PRKCA: variants seen among roughly 807,000 people sequenced by gnomAD.
PRKCA encodes protein kinase C alpha.
Under a neutral mutation model 87.0 loss-of-function variants are expected in PRKCA, and 27 were observed. That is an observed-to-expected ratio of 0.31 (90% CI 0.23 to 0.43). PRKCA has a LOEUF of 0.43. PRKCA is among the 20% of genes least tolerant of loss of function. The pLI is 1.00. For missense variants in PRKCA, 518 were observed against 852.3 expected (o/e 0.61, Z 4.88); for synonymous variants, 329 against 311.1 (o/e 1.06, Z -0.61).
At chr17:66,336,771 T>TGTGC (rs1906712053) in intron 2 of PRKCA, among the ~76,000 whole-genome samples, 1 of 116,972 alleles carries the variant, frequency 8.5e-6, no homozygotes, top group African/African-American at 3.5e-5. Context: ...TGTGTGTGTG[T>TGTGC]GTGTGTGTGT....
chr17:66,458,593 G>C (rs1459679355), intron 2 of PRKCA, among the ~76,000 whole-genome samples: 3 of 151,912 alleles, frequency 2.0e-5, no homozygotes, highest in Admixed American at 6.5e-5. Context: ...CAATCCTCTT[G>C]CTTCAGCCTC....
chr17:66,760,022 A>G (rs1235144329), intron 13 of PRKCA, among the ~76,000 whole-genome samples: 1 of 152,234 alleles, frequency 6.6e-6, no homozygotes, highest in Non-Finnish European at 1.5e-5. Flanking sequence ...CATATCCCGC[A>G]AGGAGAGAAT....
In PRKCA at chr17:66,471,012, T is replaced by C. The variant is rs567330122; in HGVS notation, c.206-25189T>C. Among the ~76,000 whole-genome samples, 5 of 150,206 alleles carry C rather than the reference T, an allele frequency of 3.3e-5. No homozygotes were observed. In the South Asian group the frequency reaches 8.3e-4, roughly 25 times the overall value. ...GTATTTGGGAACTTTTTTTTTTTTT[T>C]AGTTTAGTTTTTTTTTTAATTGTAC... On this transcript the variant is annotated intron_variant, in intron 2 of 16. Coordinates refer to ENST00000413366, the MANE Select transcript of PRKCA (RefSeq NM_002737.3).
At chr17:66,748,224 G>A (rs1243161427) in intron 13 of PRKCA, among the ~76,000 whole-genome samples, 2 of 152,228 alleles carry the variant, frequency 1.3e-5, no homozygotes, top group Non-Finnish European at 2.9e-5. Context: ...CACAGCTTCT[G>A]CGTTCCCGCC....
intron 14 of PRKCA, among the ~76,000 whole-genome samples, chr17:66,778,691 A>G (rs1299485209): frequency 6.6e-6 from 1 of 151,952 alleles, no homozygotes; most frequent in Non-Finnish European, 1.5e-5. Flanking sequence ...AGATGCAAAA[A>G]TGAGCTGGGC....
chr17:66,513,156 T>C (rs1431447327), intron 3 of PRKCA, among the ~76,000 whole-genome samples: 2 of 152,204 alleles, frequency 1.3e-5, no homozygotes, highest in Non-Finnish European at 2.9e-5. Flanking sequence ...AAATGGTGCC[T>C]GATGTGTGGT....
chr17:66,708,147 G>A (rs1378084096), intron 8 of PRKCA, among the ~76,000 whole-genome samples: 2 of 152,202 alleles, frequency 1.3e-5, no homozygotes, highest in African/African-American at 4.8e-5. Context: ...TCATCAGGCC[G>A]ACCAAGTGGG....
intron 2 of PRKCA, among the ~76,000 whole-genome samples, chr17:66,465,774 C>T (rs372949292): frequency 6.6e-6 from 1 of 152,122 alleles, no homozygotes; most frequent in Non-Finnish European, 1.5e-5. Context: ...AGCTTTAATT[C>T]GAAGAGACAA....
intron 3 of PRKCA, among the ~76,000 whole-genome samples, chr17:66,589,993 C>T (rs998271838): frequency 7.9e-5 from 12 of 152,110 alleles, no homozygotes; most frequent in African/African-American, 2.4e-4. Context: ...GGTGATCTGA[C>T]GGTAGGCAGA....
chr17:66,363,625 C>A (rs1908524433), intron 2 of PRKCA, among the ~76,000 whole-genome samples: 1 of 152,260 alleles, frequency 6.6e-6, no homozygotes, highest in African/African-American at 2.4e-5. Flanking sequence ...AATTAAGGGG[C>A]ATCTTCCATG....
chr17:66,554,154 G>A (rs544065791), intron 3 of PRKCA, among the ~76,000 whole-genome samples: 18 of 151,780 alleles, frequency 1.2e-4, no homozygotes, highest in Admixed American at 6.6e-4. Context: ...GGTGGCTCAC[G>A]CCTGTCATCC....
chr17:66,322,283 T>C (rs1274242065), intron 2 of PRKCA, among the ~76,000 whole-genome samples: 1 of 152,178 alleles, frequency 6.6e-6, no homozygotes, highest in Non-Finnish European at 1.5e-5. Context: ...TTTTGTGTGA[T>C]CATGGAGTGT....
chr17:66,539,435 G>A (rs1421031060), intron 3 of PRKCA, among the ~76,000 whole-genome samples: 1 of 143,728 alleles, frequency 7.0e-6, no homozygotes, highest in East Asian at 2.0e-4. Context: ...ATGGAGTCTT[G>A]CTCTGTCCTC....
intron 2 of PRKCA, among the ~76,000 whole-genome samples, chr17:66,324,339 C>T (rs542072475): frequency 2.2e-4 from 34 of 151,808 alleles, no homozygotes; most frequent in East Asian, 9.7e-4. Flanking sequence ...CAGTGGCTCA[C>T]GCCTGTAATC....
At chr17:66,406,240 G>A (rs763079936) in intron 2 of PRKCA, among the ~76,000 whole-genome samples, 26 of 152,264 alleles carry the variant, frequency 1.7e-4, no homozygotes, top group Non-Finnish European at 3.1e-4. Context: ...ATTAAAGAAC[G>A]GGGTGGGGGA....
intron 16 of PRKCA, chr17:66,796,709 A>C (rs1975678454): frequency 1.0e-6 from 1 of 985,354 alleles, no homozygotes; most frequent in East Asian, 1.1e-4. Flanking sequence ...AGTGAAATGC[A>C]CCAGCCCATT....
At position 66,565,146 on chromosome 17, in the gene PRKCA, C is replaced by T. The variant is rs564938896; in HGVS notation, c.288+68863C>T. 2.0e-5 allele frequency among the ~76,000 whole-genome samples: 3 copies of T among 152,248 alleles called. No homozygotes were observed. In the South Asian group the frequency reaches 6.2e-4, roughly 32 times the overall value. ...ACCCGTTAAGCCTTGGTTTCCTAACCGTAAAATGGGACTAAGTAATTCCTC... is the reference window on the plus strand; with the variant it reads ...ACCCGTTAAGCCTTGGTTTCCTAACTGTAAAATGGGACTAAGTAATTCCTC... On this transcript the variant is annotated intron_variant, in intron 3 of 16. Coordinates refer to ENST00000413366, the MANE Select transcript of PRKCA (RefSeq NM_002737.3).
chr17:66,742,714 T>C lies in PRKCA; in HGVS notation c.1478T>C (p.Val493Ala). Reference protein sequence around the residue: ...GMCKEHMMDGVTTRTFCGTPD... With the variant: ...GMCKEHMMDGATTRTFCGTPD... ...TGCAAGGAACACATGATGGATGGAG[T>C]CACGACCAGGACCTTCTGTGGGACT... The change falls in exon 13 of 17, where the codon GTC (valine) becomes GCC (alanine). Residue 493 changes from valine (V) to alanine (A), a missense_variant. This residue lies in a region of PRKCA where 159 missense variants were observed against 232.4 expected (regional missense o/e 0.68). Transcript: ENST00000413366. The C allele has an allele frequency of 6.2e-7, 1 of 1,614,082 alleles. No individual in the cohort carries two copies. The highest frequency in any genetic ancestry group is 1.1e-5 in the South Asian group (1 of 91,074).
At chr17:66,339,126 A>G (rs1906884235) in intron 2 of PRKCA, among the ~76,000 whole-genome samples, 3 of 152,178 alleles carry the variant, frequency 2.0e-5, no homozygotes, top group South Asian at 4.1e-4. Context: ...CTTGAATGAA[A>G]GGGTAACTGT....
Sources: gnomAD v4.1 joint callset for allele counts (sites outside exome capture counted in the v4.1 genomes callset) on GRCh38, gnomAD v4.1.1 for gene constraint, gnomAD v4.1.1 regional missense constraint, MANE v1.5 for transcripts, NCBI Gene and HGNC (gene_info 2026-07-23, HGNC 2026-07-21) for gene names.